TMEM163: variants seen among roughly 807,000 people sequenced by gnomAD.
TMEM163 encodes transmembrane protein 163.
In TMEM163, 17 loss-of-function variants were observed where a neutral mutation model predicts 29.3. That is an observed-to-expected ratio of 0.58 (90% CI 0.40 to 0.87). The LOEUF (loss-of-function observed/expected upper bound fraction) is 0.87, where lower values mean the gene tolerates loss of function less well. Ranked by LOEUF, TMEM163 falls within the 40% of genes least tolerant of loss-of-function variation. The pLI is 0.00. For synonymous variants in TMEM163, 157 were observed against 160.6 expected, an observed-to-expected ratio of 0.98 and a Z score of 0.17; for missense variants, 303 against 381.5, an observed-to-expected ratio of 0.79 and a Z score of 1.71.
chr2:134,695,170 G>A (rs560256628), intron 2 of TMEM163, among the ~76,000 whole-genome samples: 5 of 152,124 alleles, frequency 3.3e-5, no homozygotes, highest in South Asian at 4.2e-4. Flanking sequence ...TCCGCCTCCC[G>A]GATTCAAGCA....
intron 1 of TMEM163, among the ~76,000 whole-genome samples, chr2:134,718,270 T>C (rs1685080409): frequency 6.6e-6 from 1 of 151,952 alleles, no homozygotes; most frequent in Non-Finnish European, 1.5e-5. Flanking sequence ...CCGAGGGACA[T>C]CTCGCGGCTA....
intron 2 of TMEM163, among the ~76,000 whole-genome samples, chr2:134,711,100 C>T (rs777703318): frequency 2.0e-5 from 3 of 152,108 alleles, no homozygotes; most frequent in Non-Finnish European, 2.9e-5. Context: ...AACATAACTT[C>T]GAAAGTCAGT....
At chr2:134,657,990 C>G (rs1246282877) in intron 2 of TMEM163, among the ~76,000 whole-genome samples, 1 of 150,094 alleles carries the variant, frequency 6.7e-6, no homozygotes, top group South Asian at 2.1e-4. Context: ...GATACACATA[C>G]CCCCTGAACT....
At chr2:134,528,449 T>G (rs1461665078) in intron 4 of TMEM163, among the ~76,000 whole-genome samples, 1 of 152,210 alleles carries the variant, frequency 6.6e-6, no homozygotes, top group African/African-American at 2.4e-5. Flanking sequence ...AGATGATACA[T>G]TTTGATTTTA....
chr2:134,674,936 T>C (rs533959366), intron 2 of TMEM163, among the ~76,000 whole-genome samples: 120 of 152,380 alleles, frequency 7.9e-4, no homozygotes, highest in Admixed American at 2.1e-3. Flanking sequence ...CCTCTTCATG[T>C]TCCTTTAAAA....
At chr2:134,708,661 A>G (rs2104897876) in intron 2 of TMEM163, among the ~76,000 whole-genome samples, 1 of 152,106 alleles carries the variant, frequency 6.6e-6, no homozygotes, top group South Asian at 2.1e-4. Flanking sequence ...ATCTTGGCTC[A>G]CTGCAACCTC....
At chr2:134,712,534 G>A (rs887735552) in intron 2 of TMEM163, among the ~76,000 whole-genome samples, 3 of 151,872 alleles carry the variant, frequency 2.0e-5, no homozygotes, top group African/African-American at 7.3e-5. Context: ...AGGCTTGTGA[G>A]TCATTGCACA....
intron 2 of TMEM163, among the ~76,000 whole-genome samples, chr2:134,558,379 T>C (rs1423256931): frequency 6.6e-6 from 1 of 152,170 alleles, no homozygotes; most frequent in Non-Finnish European, 1.5e-5. Context: ...ACAGCTACTC[T>C]CCCAGAAGCA....
At chr2:134,646,091 CT>C (rs748578299) in intron 2 of TMEM163, among the ~76,000 whole-genome samples, 624 of 139,902 alleles carry the variant, frequency 4.5e-3, no homozygotes, top group Middle Eastern at 0.011. Flanking sequence ...TGCGGAATGG[CT>C]TTTTTTTTTT....
At chr2:134,717,485 C>A (rs1318167745) in intron 1 of TMEM163, among the ~76,000 whole-genome samples, 1 of 152,184 alleles carries the variant, frequency 6.6e-6, no homozygotes, top group Non-Finnish European at 1.5e-5. Flanking sequence ...GTTTCCATGT[C>A]ATTTTATTTC....
intron 5 of TMEM163, among the ~76,000 whole-genome samples, chr2:134,470,814 G>A (rs1015015947): frequency 1.3e-5 from 2 of 152,158 alleles, no homozygotes; most frequent in African/African-American, 4.8e-5. Context: ...TCTCCACACG[G>A]CTGCCATGTT....
intron 4 of TMEM163, among the ~76,000 whole-genome samples, chr2:134,508,799 C>A (rs1679883428): frequency 7.7e-6 from 1 of 130,124 alleles, no homozygotes; most frequent in South Asian, 3.4e-4. Context: ...CATTTCCCAT[C>A]TCTCTCCTCT....
chr2:134,718,975 G>T lies in TMEM163; in HGVS notation c.-40C>A. On this transcript the variant is annotated 5_prime_UTR_variant, in exon 1 of 8. Coordinates refer to ENST00000281924, the MANE Select transcript of TMEM163 (RefSeq NM_030923.5). ...GATCCCGGCGGCGGCGACGACAAGCGCGGCGGGGACTCGAGTCAGAAGTGC... is the reference window on the plus strand; with the variant it reads ...GATCCCGGCGGCGGCGACGACAAGCTCGGCGGGGACTCGAGTCAGAAGTGC... 9.7e-7 allele frequency: 1 copy of T among 1,026,642 alleles called. No individual in the cohort carries two copies. The allele number at this position is 1,026,642 out of a possible 1,614,324, so 63.6% of individuals were successfully genotyped here.
At chr2:134,605,180 C>CA (rs754781954) in intron 2 of TMEM163, among the ~76,000 whole-genome samples, 6,276 of 104,994 alleles carry the variant, frequency 0.06, 283 homozygotes, top group East Asian at 0.18. Flanking sequence ...TGGTCTCCAG[C>CA]AAAAAAAAAA....
chr2:134,680,831 A>T (rs560502867), intron 2 of TMEM163, among the ~76,000 whole-genome samples: 2 of 152,256 alleles, frequency 1.3e-5, no homozygotes, highest in Admixed American at 1.3e-4. Context: ...GTCAGCTGTG[A>T]TCGTGGGCAA....
At position 134,459,947 on chromosome 2, in the gene TMEM163, C is replaced by T. The variant is rs1385023237; in HGVS notation, c.668-1774G>A. ...CAGACTGACCACAGCCATGACAAAG[C>T]CCTGAGCGCCACCTCGCCCTCCGCT... On this transcript the variant is annotated intron_variant, in intron 6 of 7. Coordinates refer to ENST00000281924, the MANE Select transcript of TMEM163 (RefSeq NM_030923.5). 2.6e-5 allele frequency among the ~76,000 whole-genome samples: 4 copies of T among 152,238 alleles called. No individual in the cohort carries two copies. In the East Asian group the frequency reaches 7.7e-4, roughly 29 times the overall value.
At chr2:134,476,557 TACACATAAGCTGGTATGATCATGTAC>T (rs1252675974) in intron 5 of TMEM163, among the ~76,000 whole-genome samples, 1 of 152,244 alleles carries the variant, frequency 6.6e-6, no homozygotes, top group Non-Finnish European at 1.5e-5. Context: ...ATTCAGCTTA[TACACATAAGCTGGTATGATCATGTAC>T]ATAGTAATGT....
At chr2:134,570,941 C>A (rs1220481680) in intron 2 of TMEM163, among the ~76,000 whole-genome samples, 1 of 152,154 alleles carries the variant, frequency 6.6e-6, no homozygotes, top group Non-Finnish European at 1.5e-5. Flanking sequence ...TTCTGAAATG[C>A]GTTCTCATTT....
chr2:134,679,699 C>T (rs566414129), intron 2 of TMEM163, among the ~76,000 whole-genome samples: 4 of 152,334 alleles, frequency 2.6e-5, no homozygotes, highest in Non-Finnish European at 5.9e-5. Context: ...TAAACCCATT[C>T]TACAAATGAC....
Sources: gnomAD v4.1 joint callset for allele counts (sites outside exome capture counted in the v4.1 genomes callset) on GRCh38, gnomAD v4.1.1 for gene constraint, MANE v1.5 for transcripts, NCBI Gene and HGNC (gene_info 2026-07-23, HGNC 2026-07-21) for gene names.